Variants in LPP observed in about 807,000 individuals in gnomAD.
LPP encodes the protein lipoma-preferred partner.
In LPP, 38 loss-of-function variants were observed where a neutral mutation model predicts 60.4. The observed-to-expected ratio is 0.63, with a 90% CI of 0.49 to 0.83. The LOEUF (loss-of-function observed/expected upper bound fraction) is 0.83, where lower values mean the gene tolerates loss of function less well. Ranked by LOEUF, LPP falls within the 40% of genes least tolerant of loss-of-function variation. The pLI is 0.00. For synonymous variants in LPP, 328 were observed against 290.8 expected (o/e 1.13, Z -1.30); for missense variants, 902 against 783.6 (o/e 1.15, Z -1.80).
At chr3:188,307,870 A>G (rs1167787911) in intron 2 of LPP, among the ~76,000 whole-genome samples, 1 of 152,164 alleles carries the variant, frequency 6.6e-6, no homozygotes, top group African/African-American at 2.4e-5. Flanking sequence ...ATACGTATTG[A>G]ATGGACTGTG....
intron 6 of LPP, among the ~76,000 whole-genome samples, chr3:188,556,628 A>G (rs1367285206): frequency 6.6e-6 from 1 of 151,334 alleles, no homozygotes; most frequent in Admixed American, 6.6e-5. Flanking sequence ...ATTTTTTTTC[A>G]GTTTTTTTAA....
At chr3:188,672,498 A>G (rs1210561045) in intron 7 of LPP, among the ~76,000 whole-genome samples, 1 of 152,044 alleles carries the variant, frequency 6.6e-6, no homozygotes, top group African/African-American at 2.4e-5. Flanking sequence ...TAAAAATGCT[A>G]TTTATCTTTA....
intron 5 of LPP, among the ~76,000 whole-genome samples, chr3:188,505,964 C>G (rs1426268): frequency 0.94 from 142,720 of 152,276 alleles, 67,041 homozygotes; most frequent in East Asian, 1. Flanking sequence ...CTCCCACTGT[C>G]CTTTTTATAC....
intron 3 of LPP, among the ~76,000 whole-genome samples, chr3:188,347,403 C>T (rs1227774651): frequency 6.6e-6 from 1 of 152,170 alleles, no homozygotes; most frequent in Admixed American, 6.5e-5. Context: ...ATATGAAACA[C>T]ATTATGCATA....
Position 188,194,379 on chromosome 3 carries a change from C to G in LPP, c.-189-31026C>G, listed in dbSNP as rs180747516. Among the ~76,000 whole-genome samples the G allele has an allele frequency of 1.6e-4, 24 of 152,290 alleles. No individual in the cohort carries two copies. In the East Asian group the frequency reaches 4.6e-3, roughly 29 times the overall value. ...ACTCAGCTCTTAGAAGTTGTTTGGG[C>G]TGGAGAAATGTTTTCATTATTAGGA... On this transcript the variant is annotated intron_variant, in intron 1 of 11. Coordinates refer to ENST00000617246, the MANE Select transcript of LPP (RefSeq NM_001375462.1).
chr3:188,392,759 C>T (rs965224333), intron 3 of LPP, among the ~76,000 whole-genome samples: 1 of 152,030 alleles, frequency 6.6e-6, no homozygotes, highest in Non-Finnish European at 1.5e-5. Flanking sequence ...TATAAGGCAA[C>T]CTTGATTGAA....
chr3:188,385,506 A>G (rs889644285), intron 3 of LPP, among the ~76,000 whole-genome samples: 2 of 152,168 alleles, frequency 1.3e-5, no homozygotes, highest in African/African-American at 4.8e-5. Context: ...CGTAAGTTAC[A>G]AACACTATTA....
intron 2 of LPP, among the ~76,000 whole-genome samples, chr3:188,264,406 G>C (rs1734725903): frequency 6.6e-6 from 1 of 151,800 alleles, no homozygotes; most frequent in Admixed American, 6.6e-5. Context: ...AATGAGAGGA[G>C]AGCTGTAGCA....
chr3:188,284,652 T>C (rs1444935841), intron 2 of LPP, among the ~76,000 whole-genome samples: 4 of 152,160 alleles, frequency 2.6e-5, no homozygotes, highest in African/African-American at 9.7e-5. Flanking sequence ...CATGTGTGCA[T>C]GAGTGTGTAT....
chr3:188,503,637 C>A (rs1812579246), intron 5 of LPP, among the ~76,000 whole-genome samples: 1 of 145,558 alleles, frequency 6.9e-6, no homozygotes, highest in African/African-American at 2.5e-5. Context: ...AACTCTCTCA[C>A]CTCTTTTTTT....
Position 188,609,882 on chromosome 3 carries a change from G to A in LPP, c.1113+38G>A, listed in dbSNP as rs1440044923. Reference sequence around the variant, plus strand: ...GTAACATAAGGAGGAGAATACAGGGGTGCCTATCTTAGTCTGCCTTCCCCA... The same window carrying A: ...GTAACATAAGGAGGAGAATACAGGGATGCCTATCTTAGTCTGCCTTCCCCA... On this transcript the variant is annotated intron_variant, in intron 7 of 11. Transcript: ENST00000617246. The surrounding 1 kb of genome is among the most constrained non-coding windows in gnomAD (Gnocchi z 6.9). 3.9e-6 allele frequency: 6 copies of A among 1,556,910 alleles called. No individual in the cohort carries two copies. The Admixed American group carries it at 9.7e-5, about 25-fold the overall frequency.
At chr3:188,531,705 C>G (rs1255001973) in intron 6 of LPP, among the ~76,000 whole-genome samples, 2 of 152,078 alleles carry the variant, frequency 1.3e-5, no homozygotes, top group Non-Finnish European at 2.9e-5. Flanking sequence ...TACCCAGGAC[C>G]CTTTTGGATC....
At chr3:188,371,654 T>TATAG (rs1773253580) in intron 3 of LPP, among the ~76,000 whole-genome samples, 1 of 72,482 alleles carries the variant, frequency 1.4e-5, no homozygotes, top group African/African-American at 5.1e-5. Flanking sequence ...TTTTTTTTTT[T>TATAG]TTTTTTTTTT....
At chr3:188,624,352 G>A (rs1010157407) in intron 7 of LPP, among the ~76,000 whole-genome samples, 7 of 152,198 alleles carry the variant, frequency 4.6e-5, no homozygotes, top group Non-Finnish European at 1.0e-4. Context: ...TTTAGAGGCA[G>A]TCTAACAAAA....
intron 2 of LPP, among the ~76,000 whole-genome samples, chr3:188,325,278 G>C (rs1381281955): frequency 6.6e-6 from 1 of 152,116 alleles, no homozygotes; most frequent in Non-Finnish European, 1.5e-5. Context: ...ACTGCGCCTG[G>C]CCTCTCTGCT....
At chr3:188,846,391 A>G (rs1362076664) in intron 9 of LPP, among the ~76,000 whole-genome samples, 2 of 152,240 alleles carry the variant, frequency 1.3e-5, no homozygotes, top group Admixed American at 6.5e-5. Flanking sequence ...AAAGTATAAG[A>G]TATGTGTAGA....
chr3:188,798,268 T>A (rs556945400), intron 9 of LPP, among the ~76,000 whole-genome samples: 1 of 152,336 alleles, frequency 6.6e-6, no homozygotes, highest in South Asian at 2.1e-4. Flanking sequence ...TAGTTCAAGT[T>A]GGCACAGATA....
chr3:188,619,820 GA>G (rs1845490500), intron 7 of LPP, among the ~76,000 whole-genome samples: 2 of 152,276 alleles, frequency 1.3e-5, no homozygotes, highest in East Asian at 3.9e-4. Context: ...TCTTAAATTA[GA>G]AGTTGTGACA....
At chr3:188,660,644 C>CTG (rs1217077290) in intron 7 of LPP, among the ~76,000 whole-genome samples, 1,743 of 149,264 alleles carry the variant, frequency 0.012, 25 homozygotes, top group African/African-American at 0.035. Flanking sequence ...TTCCAAAGAT[C>CTG]TGTGTGTGTG....
Sources: allele counts gnomAD v4.1 joint callset (sites outside exome capture counted in the v4.1 genomes callset), GRCh38; gene constraint gnomAD v4.1.1; non-coding constraint Gnocchi (gnomAD v3.1); transcripts MANE v1.5; gene names NCBI Gene and HGNC (gene_info 2026-07-23, HGNC 2026-07-21).